C1QTNF2: variants seen among roughly 807,000 people sequenced by gnomAD.
The protein encoded by C1QTNF2 is C1q and TNF related 2, also known as complement C1q tumor necrosis factor-related protein 2.
A neutral mutation model predicts 17.4 loss-of-function variants in C1QTNF2; 15 were observed. The observed-to-expected ratio is 0.86, with a 90% confidence interval of 0.58 to 1.33. C1QTNF2 has a LOEUF of 1.33. Ranked by LOEUF, C1QTNF2 falls within the 40% of genes most tolerant of loss-of-function variation. The probability of loss-of-function intolerance (pLI) is 0.00; values close to 1 mark genes in which losing one functional copy is unlikely to be tolerated. For synonymous variants in C1QTNF2, 154 were observed against 163.3 expected (o/e 0.94, Z 0.44); for missense variants, 381 against 392.3 (o/e 0.97, Z 0.24).
chr5:160,363,271 C>T (rs1420403631), intron 1 of C1QTNF2, among the ~76,000 whole-genome samples: 3 of 152,220 alleles, frequency 2.0e-5, no homozygotes, highest in Non-Finnish European at 1.5e-5. Context: ...CTAAAGAGAT[C>T]CTTTGGAGGA....
intron 1 of C1QTNF2, among the ~76,000 whole-genome samples, chr5:160,364,207 T>C (rs905124766): frequency 6.6e-6 from 1 of 152,210 alleles, no homozygotes; most frequent in African/African-American, 2.4e-5. Flanking sequence ...GCAGCGGATC[T>C]CAATTCAGAC....
Position 160,355,486 on chromosome 5 carries a change from A to T in C1QTNF2, c.-9-466T>A, listed in dbSNP as rs567930493. Reference sequence around the variant, plus strand: ...CATGGGAGACTCAGGGTTGCACATGAGGAGGGCTGAGGATTCAGTTACTGA... The same window carrying T: ...CATGGGAGACTCAGGGTTGCACATGTGGAGGGCTGAGGATTCAGTTACTGA... On this transcript the variant is annotated intron_variant, in intron 1 of 2. Coordinates refer to ENST00000652664, the MANE Select transcript of C1QTNF2 (RefSeq NM_031908.6). Among the ~76,000 whole-genome samples the T allele has an allele frequency of 2.6e-5, 4 of 152,302 alleles. No homozygotes were observed. In the South Asian group the frequency reaches 8.3e-4, roughly 32 times the overall value.
chr5:160,367,440 CCTTAAAAA>C (rs1764267416), intron 1 of C1QTNF2, among the ~76,000 whole-genome samples: 1 of 152,110 alleles, frequency 6.6e-6, no homozygotes, highest in South Asian at 2.1e-4. Flanking sequence ...AGAGATAGGA[CCTTAAAAA>C]CGGTAACCAA....
rs1763867133 is a variant in C1QTNF2, at chr5:160,349,425, T to C, written c.601A>G (p.Ile201Val). ...GCCAGGTGCTTGTTGGCCAGCGTGA[T>C]GTCGTAGGTGAAGTAGTAGATCCCA... ...VPGIYYFTYD[I>V]TLANKHLAIG... The change falls in exon 3 of 3, where the codon ATC (isoleucine) becomes GTC (valine). Residue 201 changes from isoleucine (I) to valine (V), a missense_variant. Transcript: ENST00000652664. This position sits in a 1 kb window ranked among gnomAD's most constrained non-coding sequence, Gnocchi z 4.3. 1.2e-6 allele frequency: 2 copies of C among 1,613,946 alleles called. No individual in the cohort carries two copies. Among genetic ancestry groups the C allele is most frequent in the Non-Finnish European group, 1.7e-6 (2 of 1,179,972 alleles).
chr5:160,362,182 CAG>C (rs1374626278), intron 1 of C1QTNF2, among the ~76,000 whole-genome samples: 1 of 152,214 alleles, frequency 6.6e-6, no homozygotes, highest in Admixed American at 6.5e-5. Context: ...CCCTGAAAAA[CAG>C]GGTGTGGACC....
rs1763881500 is a variant in C1QTNF2, at chr5:160,349,774, A to G, written c.252T>C (p.Pro84=). 1.3e-6 allele frequency: 2 copies of G among 1,522,024 alleles called. No individual in the cohort carries two copies. Among genetic ancestry groups the G allele is most frequent in the Middle Eastern group, 1.8e-4 (1 of 5,678 alleles). The allele number at this position is 1,522,024 out of a possible 1,614,324, so 94.3% of individuals were successfully genotyped here. A position where few individuals can be genotyped will look rare whatever the true frequency, so the allele number is the denominator to read the frequency against. The change falls in exon 3 of 3, where the codon CCT becomes CCC. Residue 84 remains proline (P), a synonymous_variant. Coordinates refer to ENST00000652664, the MANE Select transcript of C1QTNF2 (RefSeq NM_031908.6). This position sits in a 1 kb window ranked among gnomAD's most constrained non-coding sequence, Gnocchi z 4.3. ...GCTTTCCCCGGTTACCTGTCCGGCC[A>G]GGTGGACCTGGAAGACAGAGCAGCT... ...DRGDSGEEGP[P]GRTGNRGKPG...
At chr5:160,370,393 C>T (rs1207046673) in intron 1 of C1QTNF2, 119 bp downstream of exon 1, 16 of 1,277,580 alleles carry the variant, frequency 1.3e-5, no homozygotes, top group Non-Finnish European at 1.6e-5. Flanking sequence ...GCAATAAAGG[C>T]GCGCTGGCAG....
At chr5:160,369,810 A>G (rs1264533183) in intron 1 of C1QTNF2, among the ~76,000 whole-genome samples, 3 of 152,198 alleles carry the variant, frequency 2.0e-5, no homozygotes, top group Non-Finnish European at 2.9e-5. Context: ...CTGAAAAGCG[A>G]GGTCCTAGAA....
intron 1 of C1QTNF2, among the ~76,000 whole-genome samples, chr5:160,367,225 T>C (rs1447109597): frequency 6.6e-6 from 1 of 152,174 alleles, no homozygotes; most frequent in Non-Finnish European, 1.5e-5. Flanking sequence ...TTGTTGCCAA[T>C]GTAAAACTTG....
chr5:160,369,783 C>T (rs1764316151), intron 1 of C1QTNF2, among the ~76,000 whole-genome samples: 1 of 152,010 alleles, frequency 6.6e-6, no homozygotes, highest in Admixed American at 6.6e-5. Flanking sequence ...CTATTAGGGC[C>T]CACTGCAATT....
intron 2 of C1QTNF2, among the ~76,000 whole-genome samples, chr5:160,350,998 C>CCCA (rs1763909930): frequency 6.6e-6 from 1 of 152,184 alleles, no homozygotes; most frequent in African/African-American, 2.4e-5. Flanking sequence ...GATCTGCCCA[C>CCCA]CTCGGCCTCC....
rs372999285 is a variant in C1QTNF2, at chr5:160,364,364, A to G, written c.-10+6148T>C. ...TTCAGTCTCCTCCTCTCCAACATGAACACGATAATAATAGAACCTACCTTA... is the reference window on the plus strand; with the variant it reads ...TTCAGTCTCCTCCTCTCCAACATGAGCACGATAATAATAGAACCTACCTTA... On this transcript the variant is annotated intron_variant, in intron 1 of 2. Coordinates refer to ENST00000652664, the MANE Select transcript of C1QTNF2 (RefSeq NM_031908.6). Among the ~76,000 whole-genome samples the G allele has an allele frequency of 1.9e-4, 29 of 152,310 alleles. No homozygotes were observed. The East Asian group carries it at 5.4e-3, about 28-fold the overall frequency.
intron 2 of C1QTNF2, among the ~76,000 whole-genome samples, chr5:160,350,125 A>G (rs1763889879): frequency 6.6e-6 from 1 of 152,202 alleles, no homozygotes; most frequent in Non-Finnish European, 1.5e-5. Context: ...AGAGAACTGG[A>G]AAAAGCCTCT....
intron 2 of C1QTNF2, among the ~76,000 whole-genome samples, chr5:160,350,516 C>A (rs1022917051): frequency 1.3e-5 from 2 of 151,982 alleles, no homozygotes; most frequent in African/African-American, 4.8e-5. Flanking sequence ...CCAGCCTGGG[C>A]AATGTAGCCA....
chr5:160,370,505 C>T lies in C1QTNF2; in HGVS notation c.-10+7G>A. ...GCCCCCGCCCGACCGCGGTGCGGGACACTCACCCTCGCGGCTGCCCGCCAC... is the reference window on the plus strand; with the variant it reads ...GCCCCCGCCCGACCGCGGTGCGGGATACTCACCCTCGCGGCTGCCCGCCAC... On this transcript the variant is annotated splice_region_variant and intron_variant, in intron 1 of 2. Coordinates refer to ENST00000652664, the MANE Select transcript of C1QTNF2 (RefSeq NM_031908.6). The T allele has an allele frequency of 6.8e-7, 1 of 1,473,304 alleles. No individual in the cohort carries two copies. Among genetic ancestry groups the T allele is most frequent in the Non-Finnish European group, 8.9e-7 (1 of 1,122,198 alleles). The allele number at this position is 1,473,304 out of a possible 1,614,324, so 91.3% of individuals were successfully genotyped here.
At chr5:160,353,376 T>A (rs992660605) in intron 2 of C1QTNF2, among the ~76,000 whole-genome samples, 24 of 152,120 alleles carry the variant, frequency 1.6e-4, no homozygotes, top group Non-Finnish European at 1.5e-5. Context: ...GTAGAGTATA[T>A]CCATTCTGCT....
At chr5:160,350,130 G>C (rs1763889990) in intron 2 of C1QTNF2, among the ~76,000 whole-genome samples, 1 of 152,160 alleles carries the variant, frequency 6.6e-6, no homozygotes, top group African/African-American at 2.4e-5. Flanking sequence ...ACTGGAAAAA[G>C]CCTCTTGATT....
At chr5:160,351,202 G>A (rs1387766282) in intron 2 of C1QTNF2, among the ~76,000 whole-genome samples, 2 of 152,184 alleles carry the variant, frequency 1.3e-5, no homozygotes, top group African/African-American at 4.8e-5. Context: ...ATACTCCAAT[G>A]TTTCATAAAA....
intron 1 of C1QTNF2, among the ~76,000 whole-genome samples, chr5:160,369,105 GA>G (rs1419501434): frequency 2.0e-5 from 3 of 151,752 alleles, no homozygotes; most frequent in African/African-American, 7.3e-5. Context: ...TATATGTACA[GA>G]AGGGTTGGGG....
Sources: allele counts gnomAD v4.1 joint callset (sites outside exome capture counted in the v4.1 genomes callset), GRCh38; gene constraint gnomAD v4.1.1; non-coding constraint Gnocchi (gnomAD v3.1); transcripts MANE v1.5; gene names NCBI Gene and HGNC (gene_info 2026-07-23, HGNC 2026-07-21).